The following SLIT2 variants were observed in gnomAD, a reference collection of about 807,000 sequenced individuals.
SLIT2 encodes slit homolog 2 protein.
In SLIT2, 41 loss-of-function variants were observed where a neutral mutation model predicts 185.7. The observed-to-expected ratio is 0.22, with a 90% CI of 0.17 to 0.29. SLIT2 has a LOEUF of 0.29. Among genes scored for constraint, SLIT2 ranks in the 10% least tolerant of loss-of-function variants. SLIT2 has a pLI of 1.00. For missense variants in SLIT2, 1,571 were observed against 1,909.0 expected, an observed-to-expected ratio of 0.82 and a Z score of 3.30; for synonymous variants, 693 against 680.2, an observed-to-expected ratio of 1.02 and a Z score of -0.29.
intron 33 of SLIT2, among the ~76,000 whole-genome samples, chr4:20,602,835 A>T (rs945279607): frequency 6.6e-6 from 1 of 152,022 alleles, no homozygotes; most frequent in Non-Finnish European, 1.5e-5. Flanking sequence ...AAAGCCTACA[A>T]ATCCAGGTTT....
intron 4 of SLIT2, among the ~76,000 whole-genome samples, chr4:20,323,339 G>A (rs1719268274): frequency 6.6e-6 from 1 of 152,056 alleles, no homozygotes; most frequent in African/African-American, 2.4e-5. Context: ...CTTTGGATGA[G>A]GATATTAACA....
At chr4:20,292,969 G>C (rs771545292) in intron 4 of SLIT2, among the ~76,000 whole-genome samples, 1 of 152,174 alleles carries the variant, frequency 6.6e-6, no homozygotes, top group African/African-American at 2.4e-5. Context: ...TTCTGAATGG[G>C]GTATCTGCGA....
At chr4:20,437,038 A>T (rs1384008770) in intron 4 of SLIT2, among the ~76,000 whole-genome samples, 1 of 152,232 alleles carries the variant, frequency 6.6e-6, no homozygotes, top group Non-Finnish European at 1.5e-5. Flanking sequence ...TGCAGTAAGC[A>T]CTTAATAAAT....
rs1729696645 is a variant in SLIT2, at chr4:20,616,891, A to G, written c.3848-19A>G. 1 of 1,575,438 alleles carries G rather than the reference A, an allele frequency of 6.3e-7. No homozygotes were observed. Among genetic ancestry groups the G allele is most frequent in the East Asian group, 2.3e-5 (1 of 44,172 alleles). On this transcript the variant is annotated intron_variant, in intron 34 of 36. Coordinates refer to ENST00000504154, the MANE Select transcript of SLIT2 (RefSeq NM_004787.4). Reference sequence around the variant, plus strand: ...AAATCCCCAGAGAGCCTGACCTCTGACCTGGTGTTCCTCCCCAGGCATGCC... The same window carrying G: ...AAATCCCCAGAGAGCCTGACCTCTGGCCTGGTGTTCCTCCCCAGGCATGCC...
intron 6 of SLIT2, among the ~76,000 whole-genome samples, 169 bp from the exon 7 acceptor site, chr4:20,486,031 T>C (rs552058544): frequency 6.6e-6 from 1 of 152,316 alleles, no homozygotes; most frequent in East Asian, 1.9e-4. Context: ...TATGTTAAAT[T>C]ATGAAATTAT....
intron 4 of SLIT2, among the ~76,000 whole-genome samples, chr4:20,338,929 A>C (rs754435361): frequency 1.3e-5 from 2 of 151,842 alleles, no homozygotes; most frequent in Admixed American, 1.3e-4. Flanking sequence ...CCATCTCAAC[A>C]AAAATAAATA....
At chr4:20,387,103 G>A (rs896212501) in intron 4 of SLIT2, among the ~76,000 whole-genome samples, 1 of 152,148 alleles carries the variant, frequency 6.6e-6, no homozygotes, top group Non-Finnish European at 1.5e-5. Flanking sequence ...ACTGCTGTGG[G>A]TCAGTGAGAT....
In SLIT2 at chr4:20,570,556, A is replaced by G. The variant is rs116456764; in HGVS notation, c.3088+1552A>G. On this transcript the variant is annotated intron_variant, in intron 29 of 36. Transcript: ENST00000504154. ...CCTGGTACCTTCTTAGGATAGAATA[A>G]TTCTCTTTTCCATCATTTTCCTGAT... 3.9e-3 allele frequency among the ~76,000 whole-genome samples: 598 copies of G among 151,528 alleles called. 8 individuals carry two copies. Among genetic ancestry groups the G allele is most frequent in the African/African-American group, 0.014 (560 of 41,328 alleles).
chr4:20,361,791 ATTTC>A (rs1722762979), intron 4 of SLIT2, among the ~76,000 whole-genome samples: 1 of 152,004 alleles, frequency 6.6e-6, no homozygotes, highest in South Asian at 2.1e-4. Flanking sequence ...TTAATTTTTT[ATTTC>A]TTTTTTCTCT....
At chr4:20,589,556 C>G in intron 29 of SLIT2, 88 bp from the exon 30 acceptor site, 1 of 990,984 alleles carries the variant, frequency 1.0e-6, no homozygotes, top group Non-Finnish European at 1.6e-6. Context: ...GCTGCCCTAA[C>G]CTCTAAGACC....
intron 4 of SLIT2, among the ~76,000 whole-genome samples, chr4:20,313,401 C>T (rs538426704): frequency 2.6e-5 from 4 of 152,192 alleles, no homozygotes; most frequent in African/African-American, 9.6e-5. Context: ...AGAATCCACT[C>T]ATCACCAAGG....
intron 4 of SLIT2, among the ~76,000 whole-genome samples, chr4:20,428,323 A>G (rs1358683678): frequency 6.6e-6 from 1 of 152,208 alleles, no homozygotes; most frequent in Non-Finnish European, 1.5e-5. Context: ...GAGCCCTGCC[A>G]TCATGCCACA....
intron 4 of SLIT2, among the ~76,000 whole-genome samples, chr4:20,404,188 T>A (rs1017281134): frequency 3.3e-5 from 5 of 152,030 alleles, no homozygotes; most frequent in Non-Finnish European, 7.4e-5. Flanking sequence ...TTACATTTTT[T>A]AAGAAGCTAT....
At chr4:20,301,511 G>A (rs1717037342) in intron 4 of SLIT2, among the ~76,000 whole-genome samples, 1 of 152,094 alleles carries the variant, frequency 6.6e-6, no homozygotes, top group African/African-American at 2.4e-5. Flanking sequence ...TATTGTACCT[G>A]CCACTTATGC....
chr4:20,600,886 A>G (rs1010465850), intron 33 of SLIT2, among the ~76,000 whole-genome samples: 1 of 151,642 alleles, frequency 6.6e-6, no homozygotes, highest in African/African-American at 2.4e-5. Context: ...TCAGATATGT[A>G]GATATGTATA....
intron 26 of SLIT2, among the ~76,000 whole-genome samples, chr4:20,560,498 T>C (rs1336525460): frequency 6.6e-6 from 1 of 151,906 alleles, no homozygotes; most frequent in Admixed American, 6.6e-5. Context: ...CTTGTCTTTA[T>C]AACCCAAATG....
At chr4:20,596,196 G>C (rs1371960698) in intron 31 of SLIT2, among the ~76,000 whole-genome samples, 1 of 152,166 alleles carries the variant, frequency 6.6e-6, no homozygotes, top group Admixed American at 6.5e-5. Flanking sequence ...GGAGATGTTG[G>C]TCAAAGGGTA....
At chr4:20,396,226 A>G (rs769723755) in intron 4 of SLIT2, among the ~76,000 whole-genome samples, 7 of 151,982 alleles carry the variant, frequency 4.6e-5, no homozygotes, top group Non-Finnish European at 1.0e-4. Context: ...GTATTTAACA[A>G]ACACCATGTA....
rs566138969 is a variant in SLIT2, at chr4:20,427,818, A to T, written c.396-39934A>T. On this transcript the variant is annotated intron_variant, in intron 4 of 36. Transcript: ENST00000504154. ...GTCTTTTTCCCCCAACTACATATAGAATGTTATTGAAATTCATGTGTCTTA... is the reference window on the plus strand; with the variant it reads ...GTCTTTTTCCCCCAACTACATATAGTATGTTATTGAAATTCATGTGTCTTA... Among the ~76,000 whole-genome samples, 80 of 152,224 alleles carry T rather than the reference A, an allele frequency of 5.3e-4. No individual in the cohort carries two copies. In the South Asian group the frequency reaches 0.015, roughly 28 times the overall value.
Sources: allele counts gnomAD v4.1 joint callset (sites outside exome capture counted in the v4.1 genomes callset), GRCh38; gene constraint gnomAD v4.1.1; transcripts MANE v1.5; gene names NCBI Gene and HGNC (gene_info 2026-07-23, HGNC 2026-07-21).